The following DOCK1 variants were observed in gnomAD, a reference collection of about 807,000 sequenced individuals.
DOCK1 encodes the protein dedicator of cytokinesis protein 1.
In DOCK1, 138 loss-of-function variants were observed where a neutral mutation model predicts 262.7. The observed-to-expected ratio is 0.53, with a 90% confidence interval of 0.46 to 0.61. The LOEUF is 0.61. DOCK1 is among the 20% of genes least tolerant of loss of function. The pLI, the probability that DOCK1 is intolerant of heterozygous loss-of-function variation, is 0.00. For missense variants in DOCK1, 1,908 were observed against 2,370.7 expected (o/e 0.80, Z 4.05); for synonymous variants, 866 against 867.4 (o/e 1.00, Z 0.03).
intron 1 of DOCK1, among the ~76,000 whole-genome samples, chr10:126,941,415 A>G (rs995957963): frequency 6.6e-6 from 1 of 152,230 alleles, no homozygotes; most frequent in African/African-American, 2.4e-5. Context: ...TTAAAACACA[A>G]AAGTAAAACC....
chr10:127,326,727 A>G (rs966260689), intron 29 of DOCK1, among the ~76,000 whole-genome samples: 4 of 152,344 alleles, frequency 2.6e-5, no homozygotes, highest in African/African-American at 4.8e-5. Context: ...AAAGTTTTCA[A>G]TTTACTTTGG....
intron 27 of DOCK1, among the ~76,000 whole-genome samples, chr10:127,221,864 G>A (rs1212949664): frequency 2.0e-5 from 3 of 152,164 alleles, no homozygotes; most frequent in African/African-American, 7.2e-5. Flanking sequence ...GAATGCCTTA[G>A]TGCTATTTCA....
rs570431631 is a variant in DOCK1, at chr10:127,113,645, A to C, written c.2623+3291A>C. ...TCCCCATTTCTCTCTCTTGGAGAAC[A>C]TGGAAACCGTAGGTGCATCCTGAGT... On this transcript the variant is annotated intron_variant, in intron 25 of 51. Coordinates refer to ENST00000623213, the MANE Select transcript of DOCK1 (RefSeq NM_001290223.2). Among the ~76,000 whole-genome samples, 45 of 152,212 alleles carry C rather than the reference A, an allele frequency of 3.0e-4. No individual in the cohort carries two copies. In the South Asian group the frequency reaches 8.9e-3, roughly 30 times the overall value.
At chr10:126,915,192 C>T (rs1306352601) in intron 1 of DOCK1, among the ~76,000 whole-genome samples, 1 of 152,164 alleles carries the variant, frequency 6.6e-6, no homozygotes, top group African/African-American at 2.4e-5. Context: ...GACTCTTCAG[C>T]TTCATTGGCG....
chr10:127,133,537 G>T (rs1432059943), intron 27 of DOCK1, among the ~76,000 whole-genome samples: 1 of 152,072 alleles, frequency 6.6e-6, no homozygotes, highest in African/African-American at 2.4e-5. Context: ...ATTTTTCTTT[G>T]GGGCAGCTAC....
intron 27 of DOCK1, among the ~76,000 whole-genome samples, chr10:127,128,860 A>G (rs957321152): frequency 9.2e-5 from 14 of 152,212 alleles, no homozygotes; most frequent in African/African-American, 2.9e-4. Context: ...CCCATCAAAG[A>G]TAGACTGGAT....
chr10:127,057,435 A>T (rs932805915), intron 22 of DOCK1, among the ~76,000 whole-genome samples: 1 of 152,266 alleles, frequency 6.6e-6, no homozygotes, highest in Admixed American at 6.5e-5. Flanking sequence ...AACTTTGAAG[A>T]TGAAGATATT....
chr10:127,034,306 A>AAG (rs148841364), intron 18 of DOCK1, among the ~76,000 whole-genome samples: 4 of 151,602 alleles, frequency 2.6e-5, no homozygotes, highest in Admixed American at 2.0e-4. Context: ...GAGAGAGAGA[A>AAG]AGAGAGAGAG....
At chr10:127,162,030 A>G (rs2053634000) in intron 27 of DOCK1, among the ~76,000 whole-genome samples, 1 of 152,174 alleles carries the variant, frequency 6.6e-6, no homozygotes, top group Non-Finnish European at 1.5e-5. Context: ...TGTCTGTGGT[A>G]GAGTTACTTT....
intron 28 of DOCK1, among the ~76,000 whole-genome samples, chr10:127,255,965 G>T (rs149367309): frequency 2.6e-5 from 4 of 152,192 alleles, no homozygotes; most frequent in African/African-American, 9.7e-5. Context: ...TTGTTGTGTC[G>T]GAAGGGAGGA....
intron 25 of DOCK1, among the ~76,000 whole-genome samples, chr10:127,113,118 G>T (rs1365529908): frequency 6.6e-6 from 1 of 152,132 alleles, no homozygotes; most frequent in Admixed American, 6.5e-5. Context: ...TGTTGAATCT[G>T]ATTTTCATGC....
At chr10:127,226,940 A>G (rs2058666777) in intron 27 of DOCK1, among the ~76,000 whole-genome samples, 3 of 152,026 alleles carry the variant, frequency 2.0e-5, no homozygotes. Context: ...TGCTGCATAC[A>G]CCACTGCTCC....
chr10:127,201,799 CT>C (rs1289092858), intron 27 of DOCK1, among the ~76,000 whole-genome samples: 1 of 152,088 alleles, frequency 6.6e-6, no homozygotes, highest in Non-Finnish European at 1.5e-5. Flanking sequence ...AACAGAAACC[CT>C]TTATTTTGTT....
intron 3 of DOCK1, 135 bp downstream of exon 3, chr10:126,978,123 AG>A (rs2038686472): frequency 2.4e-6 from 2 of 847,300 alleles, no homozygotes; most frequent in African/African-American, 1.7e-5. Context: ...ATATATGGGT[AG>A]GAATGTGAAC....
intron 1 of DOCK1, among the ~76,000 whole-genome samples, chr10:126,927,944 C>CTGCCAA (rs1285991690): frequency 3.3e-5 from 5 of 152,046 alleles, no homozygotes; most frequent in Non-Finnish European, 7.4e-5. Context: ...GGGAAGACAC[C>CTGCCAA]TGCCGTGCAG....
intron 27 of DOCK1, among the ~76,000 whole-genome samples, chr10:127,130,065 C>CTTTT (rs74721427): frequency 9.4e-5 from 11 of 117,552 alleles, no homozygotes; most frequent in African/African-American, 3.9e-4. Context: ...TTAGGGTCTT[C>CTTTT]TTTTTTTTTT....
intron 33 of DOCK1, among the ~76,000 whole-genome samples, chr10:127,370,429 G>A (rs1440285113): frequency 6.6e-6 from 1 of 152,072 alleles, no homozygotes; most frequent in African/African-American, 2.4e-5. Context: ...CAGAACCCTA[G>A]AGCTCTTCTG....
intron 27 of DOCK1, among the ~76,000 whole-genome samples, chr10:127,208,941 T>C (rs1364205007): frequency 6.6e-6 from 1 of 152,242 alleles, no homozygotes; most frequent in Admixed American, 6.5e-5. Context: ...ACTGTGTATA[T>C]TGCTACCACT....
intron 29 of DOCK1, among the ~76,000 whole-genome samples, chr10:127,318,933 G>A (rs373155124): frequency 6.6e-5 from 10 of 152,186 alleles, no homozygotes; most frequent in African/African-American, 2.4e-4. Flanking sequence ...AGGCTTTGGA[G>A]TGTGGGTGCT....
Sources: allele counts gnomAD v4.1 joint callset (sites outside exome capture counted in the v4.1 genomes callset), GRCh38; gene constraint gnomAD v4.1.1; transcripts MANE v1.5; gene names NCBI Gene and HGNC (gene_info 2026-07-23, HGNC 2026-07-21).